The following MGAM variants were observed in gnomAD, a reference collection of about 807,000 sequenced individuals.
The protein encoded by MGAM is alpha-1,4-glucosidase.
A neutral mutation model predicts 358.8 loss-of-function variants in MGAM; 253 were observed. That is an observed-to-expected ratio of 0.71 (90% CI 0.64 to 0.78). The LOEUF (loss-of-function observed/expected upper bound fraction) is 0.78, where lower values mean the gene tolerates loss of function less well. Ranked by LOEUF, MGAM falls within the 30% of genes least tolerant of loss-of-function variation. MGAM has a pLI of 0.00. For synonymous variants in MGAM, 1,105 were observed against 1,227.1 expected, an observed-to-expected ratio of 0.90 and a Z score of 2.08; for missense variants, 3,080 against 3,432.6, an observed-to-expected ratio of 0.90 and a Z score of 2.57.
intron 70 of MGAM, 119 bp downstream of exon 70, chr7:142,103,558 A>G (rs1816611921): frequency 9.8e-7 from 1 of 1,021,620 alleles, no homozygotes; most frequent in Admixed American, 3.5e-5. Flanking sequence ...GGAATCCCTG[A>G]GTTTTCCATG....
At chr7:142,028,348 G>T (rs1303271429) in intron 10 of MGAM, among the ~76,000 whole-genome samples, 1 of 152,234 alleles carries the variant, frequency 6.6e-6, no homozygotes, top group South Asian at 2.1e-4. Context: ...TTTTAAAGAG[G>T]AATTGAGGAA....
At chr7:142,055,869 C>A in intron 28 of MGAM, 131 bp from the exon 29 acceptor site, 1 of 1,456,274 alleles carries the variant, frequency 6.9e-7, no homozygotes, top group South Asian at 1.2e-5. Flanking sequence ...TCCTTTGTTT[C>A]ATGTGTTTAG....
intron 38 of MGAM, 27 bp downstream of exon 38, chr7:142,065,495 T>C (rs1585044765): frequency 6.2e-7 from 1 of 1,613,730 alleles, no homozygotes; most frequent in Non-Finnish European, 8.5e-7. Context: ...CCAGGGCCTT[T>C]GCCGACAGGG....
chr7:142,030,660 A>G lies in MGAM; in HGVS notation c.1373A>G (p.Asn458Ser), dbSNP rs1554463105. The G allele has an allele frequency of 1.2e-6, 2 of 1,612,112 alleles. No homozygotes were observed. The highest frequency in any genetic ancestry group is 2.2e-5 in the East Asian group (1 of 44,844). ...TTTTAGGATCCAGCCATCTCCAACA[A>G]CTCTTCCTCAAGTAAACCCTATGGC... ...VIIVDPAISN[N>S]SSSSKPYGPY... Residue 458 changes from asparagine (N) to serine (S), a missense_variant, in exon 12 of 71, where the codon AAC becomes AGC. By Grantham distance (46) the Asn-to-Ser change is conservative. Around this residue, in one of 5 missense-constraint regions of MGAM, gnomAD observed 1,816 missense variants for 1,840.5 expected, o/e 0.99. Transcript: ENST00000475668.
intron 8 of MGAM, among the ~76,000 whole-genome samples, chr7:142,026,731 G>T (rs1215685527): frequency 6.6e-6 from 1 of 152,106 alleles, no homozygotes; most frequent in Admixed American, 6.5e-5. Context: ...GAGTTCTTTT[G>T]GGAGGCTCTG....
intron 66 of MGAM, among the ~76,000 whole-genome samples, chr7:142,097,931 A>C (rs1816088699): frequency 6.6e-6 from 1 of 152,150 alleles, no homozygotes; most frequent in African/African-American, 2.4e-5. Context: ...TATCACTGCT[A>C]TTTACAATGT....
rs1554463808 is a variant in MGAM, at chr7:142,031,673, C to T, written c.1471-7C>T. ...CTCTTACCAGTGTTTTTCTTTTTCT[C>T]CTGAAGGTCTGGCCTGGACAAACTG... On this transcript the variant is annotated splice_region_variant and splice_polypyrimidine_tract_variant and intron_variant, in intron 12 of 70. Coordinates refer to ENST00000475668, the MANE Select transcript of MGAM (RefSeq NM_001365693.1). 7 of 1,582,712 alleles carry T rather than the reference C, an allele frequency of 4.4e-6. No homozygotes were observed. The highest frequency in any genetic ancestry group is 3.4e-5 in the South Asian group (3 of 88,912).
At chr7:142,062,373 G>A (rs182104437) in intron 34 of MGAM, among the ~76,000 whole-genome samples, 195 bp from the exon 35 acceptor site, 32 of 152,144 alleles carry the variant, frequency 2.1e-4, no homozygotes, top group Non-Finnish European at 3.1e-4. Context: ...CAAATGCTGG[G>A]AAGGTGTGCA....
Position 142,004,818 on chromosome 7 carries a change from G to A in MGAM, c.-2-711G>A, listed in dbSNP as rs535891648. On this transcript the variant is annotated intron_variant, in intron 1 of 70. Coordinates refer to ENST00000475668, the MANE Select transcript of MGAM (RefSeq NM_001365693.1). ...AGAAAGCTTAAGTAAATTTTCCAAG[G>A]TAGTCTAGCTGGTTATTTTCAGAAT... is the stretch of plus-strand genomic sequence containing the variant. Among the ~76,000 whole-genome samples, 25 of 152,042 alleles carry A rather than the reference G, an allele frequency of 1.6e-4. No homozygotes were observed. In the South Asian group the frequency reaches 5.2e-3, roughly 32 times the overall value.
intron 68 of MGAM, 121 bp downstream of exon 68, chr7:142,101,011 TG>T: frequency 2.3e-6 from 2 of 887,084 alleles, no homozygotes; most frequent in Non-Finnish European, 1.7e-6. Flanking sequence ...TATAATCATT[TG>T]TTAATTCAAG....
chr7:142,103,746 T>C (rs956488441), intron 70 of MGAM, among the ~76,000 whole-genome samples: 2 of 152,156 alleles, frequency 1.3e-5, no homozygotes, highest in Non-Finnish European at 2.9e-5. Flanking sequence ...GTTGGAACTA[T>C]CATATTTTAT....
intron 21 of MGAM, among the ~76,000 whole-genome samples, chr7:142,045,146 C>A (rs368269252): frequency 1.3e-5 from 1 of 77,558 alleles, no homozygotes; most frequent in African/African-American, 5.4e-5. Context: ...TATTATATAT[C>A]ATATATGTGA....
intron 66 of MGAM, 126 bp from the exon 67 acceptor site, chr7:142,099,487 G>C: frequency 7.0e-7 from 1 of 1,435,748 alleles, no homozygotes; most frequent in Non-Finnish European, 9.6e-7. Flanking sequence ...GGTAATGGCA[G>C]GTATGTTGCA....
intron 21 of MGAM, among the ~76,000 whole-genome samples, chr7:142,046,834 G>T (rs1454751626): frequency 1.3e-5 from 2 of 151,972 alleles, no homozygotes; most frequent in African/African-American, 4.8e-5. Context: ...TAACTTTTGT[G>T]TTGTTTTCAT....
At chr7:142,027,588 T>G (rs1314368515) in intron 9 of MGAM, 22 bp from the exon 10 acceptor site, 2 of 1,609,894 alleles carry the variant, frequency 1.2e-6, no homozygotes, top group Non-Finnish European at 1.7e-6. Context: ...TTGCTAATTT[T>G]CACTTCACAT....
chr7:142,008,168 C>A (rs1262505776), intron 2 of MGAM, among the ~76,000 whole-genome samples: 3 of 152,148 alleles, frequency 2.0e-5, no homozygotes, highest in Non-Finnish European at 4.4e-5. Flanking sequence ...CAGGCTTTGA[C>A]TTAATTTGGC....
At chr7:142,014,183 G>A (rs540500895) in intron 3 of MGAM, among the ~76,000 whole-genome samples, 1 of 152,304 alleles carries the variant, frequency 6.6e-6, no homozygotes, top group Admixed American at 6.5e-5. Context: ...CATAGTTTGA[G>A]AATATAGTAA....
chr7:142,084,148 A>C (rs996521695), intron 53 of MGAM, among the ~76,000 whole-genome samples: 1 of 146,120 alleles, frequency 6.8e-6, no homozygotes, highest in Non-Finnish European at 1.5e-5. Flanking sequence ...TTATACCCTT[A>C]TTTACAGATG....
chr7:142,055,692 C>T lies in MGAM; in HGVS notation c.3449C>T (p.Thr1150Ile). The change falls in exon 28 of 71, where the codon ACT becomes ATT. Residue 1150 changes from threonine (T) to isoleucine (I), a missense_variant. Coordinates refer to ENST00000475668, the MANE Select transcript of MGAM (RefSeq NM_001365693.1). ...TATAGGAGAGACTTGGAGTGGCACA[C>T]TTGGGGGATGTTCTCCCGAGACCAG... ...RSYRRDLEWH[T>I]WGMFSRDQPP... 5 of 1,613,938 alleles carry T rather than the reference C, an allele frequency of 3.1e-6. No homozygotes were observed. Among genetic ancestry groups the T allele is most frequent in the Non-Finnish European group, 4.2e-6 (5 of 1,179,870 alleles).
Sources: gnomAD v4.1 joint callset for allele counts (sites outside exome capture counted in the v4.1 genomes callset) on GRCh38, gnomAD v4.1.1 for gene constraint, gnomAD v4.1.1 regional missense constraint, MANE v1.5 for transcripts, NCBI Gene and HGNC (gene_info 2026-07-23, HGNC 2026-07-21) for gene names.